The following TBC1D1 variants were observed in gnomAD, a reference collection of about 807,000 sequenced individuals.
TBC1D1 encodes TBC1 (tre-2/USP6, BUB2, cdc16) domain family, member 1.
A neutral mutation model predicts 125.6 loss-of-function variants in TBC1D1; 89 were observed. The ratio of observed to expected loss-of-function variants is 0.71; its 90% CI spans 0.60 to 0.85. TBC1D1 has a LOEUF of 0.85. Among genes scored for constraint, TBC1D1 ranks in the 40% least tolerant of loss-of-function variants. TBC1D1 has a pLI of 0.00. For missense variants in TBC1D1, 1,377 were observed against 1,469.2 expected (o/e 0.94, Z 1.03); for synonymous variants, 565 against 564.1 (o/e 1.00, Z -0.02).
chr4:38,104,233 T>C (rs1192359534), intron 15 of TBC1D1, among the ~76,000 whole-genome samples: 1 of 151,082 alleles, frequency 6.6e-6, no homozygotes, highest in East Asian at 2.0e-4. Context: ...CACCATCTTA[T>C]AGAAGGGCCT....
At chr4:37,956,678 GGCTC>G (rs1728996341) in intron 2 of TBC1D1, among the ~76,000 whole-genome samples, 1 of 152,076 alleles carries the variant, frequency 6.6e-6, no homozygotes, top group South Asian at 2.1e-4. Flanking sequence ...CGGGCACAGT[GGCTC>G]ACACCTCTAA....
At chr4:38,042,837 T>A (rs1418520026) in intron 8 of TBC1D1, among the ~76,000 whole-genome samples, 33 of 152,220 alleles carry the variant, frequency 2.2e-4, no homozygotes, top group Non-Finnish European at 1.3e-4. Flanking sequence ...TCTACACTTT[T>A]CTGTGTGCTT....
intron 2 of TBC1D1, among the ~76,000 whole-genome samples, chr4:37,954,713 T>A (rs1042103561): frequency 2.3e-4 from 35 of 151,960 alleles, no homozygotes; most frequent in African/African-American, 8.2e-4. Context: ...AGGTCGGCTC[T>A]GAGGCGGAAG....
chr4:37,936,620 T>C (rs17497074), intron 2 of TBC1D1, among the ~76,000 whole-genome samples: 16,143 of 152,196 alleles, frequency 0.11, 980 homozygotes, highest in Admixed American at 0.19. Flanking sequence ...AGGTCCTTGC[T>C]TCCTTCATGT....
intron 2 of TBC1D1, among the ~76,000 whole-genome samples, chr4:37,964,835 G>A (rs1730765053): frequency 6.6e-6 from 1 of 152,202 alleles, no homozygotes. Context: ...CATCTAGCTA[G>A]CATCAGCTCT....
intron 1 of TBC1D1, among the ~76,000 whole-genome samples, chr4:37,896,553 A>G (rs1714670827): frequency 6.6e-6 from 1 of 152,168 alleles, no homozygotes; most frequent in Non-Finnish European, 1.5e-5. Flanking sequence ...TAGAGATGGA[A>G]GAAAACTTGG....
intron 2 of TBC1D1, among the ~76,000 whole-genome samples, chr4:37,926,377 C>T (rs1722115926): frequency 6.6e-6 from 1 of 152,216 alleles, no homozygotes; most frequent in South Asian, 2.1e-4. Flanking sequence ...GTACAAATTA[C>T]AAAGTGCCCC....
chr4:37,981,157 G>A (rs963689000), intron 2 of TBC1D1, among the ~76,000 whole-genome samples: 2 of 152,018 alleles, frequency 1.3e-5, no homozygotes, highest in African/African-American at 4.8e-5. Context: ...TGGCCAGGCC[G>A]GTCTTGAACT....
chr4:38,095,841 G>T, intron 13 of TBC1D1, 88 bp from the exon 16 acceptor site: 3 of 1,376,688 alleles, frequency 2.2e-6, no homozygotes, highest in Non-Finnish European at 3.0e-6. Context: ...TGACGTCTCA[G>T]CGGGATAACA....
At chr4:38,090,160 TG>T in intron 13 of TBC1D1, 43 bp downstream of exon 15, 2 of 1,595,364 alleles carry the variant, frequency 1.3e-6, no homozygotes, top group Middle Eastern at 3.4e-4. Context: ...GGTCTTATCT[TG>T]GCTCTGAAGT....
intron 7 of TBC1D1, among the ~76,000 whole-genome samples, chr4:38,028,620 A>T (rs1348883826): frequency 2.0e-5 from 3 of 152,242 alleles, no homozygotes; most frequent in African/African-American, 7.2e-5. Flanking sequence ...CTTAGCTTAG[A>T]TAGTAAAACT....
At chr4:38,076,545 A>C (rs1220286377) in intron 12 of TBC1D1, among the ~76,000 whole-genome samples, 1 of 152,134 alleles carries the variant, frequency 6.6e-6, no homozygotes, top group Non-Finnish European at 1.5e-5. Context: ...TTGATGTCTT[A>C]AGGGTGGTTC....
intron 14 of TBC1D1, among the ~76,000 whole-genome samples, chr4:38,100,904 G>A (rs1760200592): frequency 6.6e-6 from 1 of 152,140 alleles, no homozygotes; most frequent in Non-Finnish European, 1.5e-5. Context: ...CCCCATTTGA[G>A]TAGCAGCCTT....
chr4:38,084,003 T>G (rs902218002), intron 12 of TBC1D1, among the ~76,000 whole-genome samples: 3 of 148,722 alleles, frequency 2.0e-5, no homozygotes, highest in African/African-American at 7.5e-5. Context: ...AGTGGCACTA[T>G]CTTGGCTCAC....
intron 15 of TBC1D1, chr4:38,111,861 TC>T: frequency 1.1e-6 from 1 of 897,608 alleles, no homozygotes; most frequent in Non-Finnish European, 1.3e-6. Context: ...GGTGCAGTTG[TC>T]CTGCTTAACC....
At chr4:38,005,728 G>A (rs1390866199) in intron 2 of TBC1D1, among the ~76,000 whole-genome samples, 1 of 152,208 alleles carries the variant, frequency 6.6e-6, no homozygotes, top group Non-Finnish European at 1.5e-5. Flanking sequence ...TTTTCATTGA[G>A]GCAGATTCTG....
chr4:38,118,213 T>C, intron 17 of TBC1D1, 21 bp downstream of exon 19: 1 of 1,613,296 alleles, frequency 6.2e-7, no homozygotes, highest in Non-Finnish European at 8.5e-7. Context: ...GTAAATCTGT[T>C]TGCCAGAACC....
At chr4:38,101,293 A>G (rs1760285345) in intron 14 of TBC1D1, among the ~76,000 whole-genome samples, 1 of 152,190 alleles carries the variant, frequency 6.6e-6, no homozygotes, top group Admixed American at 6.5e-5. Flanking sequence ...AGAAAGATCA[A>G]TGCCTAACTT....
intron 15 of TBC1D1, among the ~76,000 whole-genome samples, chr4:38,104,662 AGT>A: frequency 6.6e-6 from 1 of 152,320 alleles, no homozygotes; most frequent in South Asian, 2.1e-4. Context: ...CAGAGGATGC[AGT>A]GTGAGCCGCA....
Sources: allele counts gnomAD v4.1 joint callset (sites outside exome capture counted in the v4.1 genomes callset), GRCh38; gene constraint gnomAD v4.1.1; transcripts MANE v1.5; gene names NCBI Gene and HGNC (gene_info 2026-07-23, HGNC 2026-07-21).